The following GALNT13 variants were observed in gnomAD, a reference collection of about 807,000 sequenced individuals.
GALNT13 encodes UDP-GalNAc:polypeptide N-acetylgalactosaminyltransferase 13.
In GALNT13, 28 loss-of-function variants were observed where a neutral mutation model predicts 64.2. That is an observed-to-expected ratio of 0.44 (90% CI 0.32 to 0.60). The LOEUF (loss-of-function observed/expected upper bound fraction) is 0.60. Among genes scored for constraint, GALNT13 ranks in the 20% least tolerant of loss-of-function variants. GALNT13 has a pLI of 0.05. For missense variants in GALNT13, 577 were observed against 669.8 expected, an observed-to-expected ratio of 0.86 and a Z score of 1.53; for synonymous variants, 214 against 224.6, an observed-to-expected ratio of 0.95 and a Z score of 0.42.
intron 3 of GALNT13, among the ~76,000 whole-genome samples, chr2:154,068,053 A>G (rs1464805654): frequency 6.6e-6 from 1 of 152,074 alleles, no homozygotes; most frequent in Non-Finnish European, 1.5e-5. Context: ...TGGGCCAAAG[A>G]TCTGAATTGA....
chr2:153,484,970 T>C, the GALNT13 span, among the ~76,000 whole-genome samples: 1,700 of 152,328 alleles, frequency 0.011, 35 homozygotes, highest in African/African-American at 0.039. Flanking sequence ...GTGTTTTTAC[T>C]GCATAACCCC....
the GALNT13 span, among the ~76,000 whole-genome samples, chr2:153,225,507 A>C: frequency 6.6e-6 from 1 of 152,180 alleles, no homozygotes; most frequent in Non-Finnish European, 1.5e-5. Context: ...ATAAGACAAG[A>C]AAAAGAAATA....
At chr2:153,337,584 G>A in the GALNT13 span, 2 of 152,068 alleles carry the variant, frequency 1.3e-5, no homozygotes, top group South Asian at 2.1e-4. Context: ...TCAGACTTTG[G>A]TATGACAGTA....
chr2:153,738,894 T>C, the GALNT13 span, among the ~76,000 whole-genome samples: 96 of 151,984 alleles, frequency 6.3e-4, no homozygotes, highest in African/African-American at 2.0e-3. Context: ...AAAATGTCCA[T>C]ATGTAGAGCC....
chr2:154,379,798 C>T (rs929661763), intron 9 of GALNT13, among the ~76,000 whole-genome samples: 2 of 151,722 alleles, frequency 1.3e-5, no homozygotes, highest in Non-Finnish European at 2.9e-5. Flanking sequence ...AATACTGAAT[C>T]CTGGGCAGGA....
the GALNT13 span, among the ~76,000 whole-genome samples, chr2:153,317,857 G>A: frequency 2.0e-5 from 3 of 151,936 alleles, no homozygotes; most frequent in African/African-American, 7.2e-5. Context: ...CCTACATTTT[G>A]TCTTATGGGA....
At chr2:153,119,338 C>T in the GALNT13 span, among the ~76,000 whole-genome samples, 7 of 151,940 alleles carry the variant, frequency 4.6e-5, no homozygotes, top group African/African-American at 1.5e-4. Context: ...CTCAGTGTAG[C>T]CCAATACTAG....
intron 8 of GALNT13, among the ~76,000 whole-genome samples, chr2:154,284,735 T>C (rs1404037999): frequency 6.6e-6 from 1 of 152,174 alleles, no homozygotes; most frequent in African/African-American, 2.4e-5. Flanking sequence ...GATCATATCG[T>C]AATTCCAGTT....
the GALNT13 span, among the ~76,000 whole-genome samples, chr2:153,634,789 T>C: frequency 6.6e-6 from 1 of 152,016 alleles, no homozygotes; most frequent in African/African-American, 2.4e-5. Context: ...GACCTCGTGA[T>C]CTGCCTGCCT....
intron 11 of GALNT13, among the ~76,000 whole-genome samples, chr2:154,414,683 G>C (rs972395177): frequency 6.6e-6 from 1 of 151,722 alleles, no homozygotes. Context: ...TTTCCATTGG[G>C]GGTTGAAAGG....
the GALNT13 span, among the ~76,000 whole-genome samples, chr2:153,353,221 T>G: frequency 2.0e-5 from 3 of 152,120 alleles, no homozygotes; most frequent in African/African-American, 7.2e-5. Flanking sequence ...GGGATGCTAA[T>G]GTAAATGTTT....
chr2:153,539,524 A>T, the GALNT13 span, among the ~76,000 whole-genome samples: 1 of 151,952 alleles, frequency 6.6e-6, no homozygotes, highest in Non-Finnish European at 1.5e-5. Flanking sequence ...TTATGGTTTT[A>T]GGTCTAACGT....
At chr2:154,267,446 C>T (rs1691075686) in intron 8 of GALNT13, among the ~76,000 whole-genome samples, 1 of 152,014 alleles carries the variant, frequency 6.6e-6, no homozygotes, top group South Asian at 2.1e-4. Context: ...TTGAGAGTAG[C>T]CTGGCCAACA....
At chr2:154,191,902 A>G (rs1207069614) in intron 4 of GALNT13, among the ~76,000 whole-genome samples, 1 of 152,190 alleles carries the variant, frequency 6.6e-6, no homozygotes, top group Non-Finnish European at 1.5e-5. Flanking sequence ...GCCTTACAGC[A>G]AGCACAGAGG....
chr2:153,302,436 T>G, the GALNT13 span, among the ~76,000 whole-genome samples: 2 of 152,124 alleles, frequency 1.3e-5, no homozygotes, highest in Admixed American at 1.3e-4. Context: ...ATCAAGTTGT[T>G]TTGATTTCCT....
At chr2:153,672,089 A>T in the GALNT13 span, among the ~76,000 whole-genome samples, 1 of 152,224 alleles carries the variant, frequency 6.6e-6, no homozygotes, top group Admixed American at 6.5e-5. Context: ...TTAGAATCCC[A>T]CACAATAATG....
chr2:154,454,956 A>C (rs1476167509), downstream of GALNT13, among the ~76,000 whole-genome samples: 1 of 152,148 alleles, frequency 6.6e-6, no homozygotes, highest in Non-Finnish European at 1.5e-5. Flanking sequence ...ATTACTGTGA[A>C]GATTAGGTTC....
chr2:154,142,224 T>C (rs1683295058), intron 4 of GALNT13, among the ~76,000 whole-genome samples: 1 of 152,186 alleles, frequency 6.6e-6, no homozygotes, highest in Admixed American at 6.5e-5. Context: ...TTACTAACTC[T>C]TATTTTTTTC....
the GALNT13 span, among the ~76,000 whole-genome samples, chr2:153,542,506 A>T: frequency 6.6e-6 from 1 of 152,166 alleles, no homozygotes; most frequent in Admixed American, 6.5e-5. Context: ...GGATCAGTAG[A>T]TGGAAAATTA....
Sources: gnomAD v4.1 joint callset for allele counts (sites outside exome capture counted in the v4.1 genomes callset) on GRCh38, gnomAD v4.1.1 for gene constraint, MANE v1.5 for transcripts, NCBI Gene and HGNC (gene_info 2026-07-23, HGNC 2026-07-21) for gene names.